Variants in SOBP observed in about 807,000 individuals in gnomAD.
SOBP encodes sine oculis-binding protein homolog.
Under a neutral mutation model 53.6 loss-of-function variants are expected in SOBP, and 4 were observed. The observed-to-expected ratio is 0.07, with a 90% CI of 0.04 to 0.17. The LOEUF (loss-of-function observed/expected upper bound fraction) is 0.17. SOBP is among the 10% of genes least tolerant of loss of function. The probability of loss-of-function intolerance (pLI) is 1.00; values close to 1 mark genes in which losing one functional copy is unlikely to be tolerated. For missense variants in SOBP, 1,088 were observed against 1,204.7 expected (o/e 0.90, Z 1.43); for synonymous variants, 584 against 522.6 (o/e 1.12, Z -1.60).
At chr6:107,558,519 C>T (rs1040011014) in intron 4 of SOBP, among the ~76,000 whole-genome samples, 7 of 152,006 alleles carry the variant, frequency 4.6e-5, no homozygotes, top group South Asian at 4.2e-4. Context: ...CCGCCCGCCT[C>T]GGCCTCCCAA....
At chr6:107,629,045 T>C (rs1213150870) in intron 5 of SOBP, among the ~76,000 whole-genome samples, 3 of 152,186 alleles carry the variant, frequency 2.0e-5, no homozygotes, top group Non-Finnish European at 4.4e-5. Context: ...AGTGCCACAG[T>C]CAACATGCCA....
intron 5 of SOBP, among the ~76,000 whole-genome samples, chr6:107,589,228 C>T (rs1336434650): frequency 6.6e-6 from 1 of 152,172 alleles, no homozygotes; most frequent in East Asian, 1.9e-4. Flanking sequence ...GTTTAGAAAG[C>T]ATGGGAGCTC....
At chr6:107,605,768 A>G (rs1028446124) in intron 5 of SOBP, among the ~76,000 whole-genome samples, 2 of 152,170 alleles carry the variant, frequency 1.3e-5, no homozygotes, top group Non-Finnish European at 2.9e-5. Flanking sequence ...CTCACTGCTC[A>G]AAATGTGGCC....
At chr6:107,646,338 C>G (rs1331266135) in intron 6 of SOBP, among the ~76,000 whole-genome samples, 3 of 152,200 alleles carry the variant, frequency 2.0e-5, no homozygotes, top group African/African-American at 7.2e-5. Context: ...ATCAACAGAC[C>G]ATTCCAGGAT....
At chr6:107,579,562 T>G (rs1442440026) in intron 4 of SOBP, among the ~76,000 whole-genome samples, 1 of 152,174 alleles carries the variant, frequency 6.6e-6, no homozygotes, top group Non-Finnish European at 1.5e-5. Flanking sequence ...TTCAGGCTGA[T>G]GTGGAATCTG....
chr6:107,491,159 C>T (rs1024609592), intron 1 of SOBP, among the ~76,000 whole-genome samples: 3 of 152,194 alleles, frequency 2.0e-5, no homozygotes, highest in African/African-American at 7.2e-5. Context: ...CACCCTCCTG[C>T]TCCTCAATCC....
In SOBP at chr6:107,635,117, T is replaced by C. The variant is rs1770968869; in HGVS notation, c.2273T>C (p.Leu758Pro). The C allele has an allele frequency of 6.2e-7, 1 of 1,611,244 alleles. No individual in the cohort carries two copies. The highest frequency in any genetic ancestry group is 1.3e-5 in the African/African-American group (1 of 74,714). The stretch of plus-strand genomic sequence containing the variant: ...CCGCCCGCGCCCCCCAAGAAGCTGC[T>C]GTCGCCTGAGGAACCGGCGGTGAGC... ...PPPPAPPKKL[L>P]SPEEPAVSEL... is the part of the protein sequence containing the mutation. Residue 758 changes from leucine (L) to proline (P), a missense_variant, in exon 6 of 7, where the codon CTG (leucine) becomes CCG (proline). By Grantham distance (98) the Leu-to-Pro change is moderately conservative. Coordinates refer to ENST00000317357, the MANE Select transcript of SOBP (RefSeq NM_018013.4). This position sits in a 1 kb window ranked among gnomAD's most constrained non-coding sequence, Gnocchi z 4.5.
At chr6:107,648,734 A>G (rs1193180183) in intron 6 of SOBP, among the ~76,000 whole-genome samples, 1 of 151,886 alleles carries the variant, frequency 6.6e-6, no homozygotes, top group African/African-American at 2.4e-5. Flanking sequence ...GGGGTTCTAG[A>G]AGCTGGACTT....
intron 4 of SOBP, among the ~76,000 whole-genome samples, chr6:107,566,465 A>G (rs1018196259): frequency 6.6e-6 from 1 of 152,218 alleles, no homozygotes; most frequent in Non-Finnish European, 1.5e-5. Flanking sequence ...AGAAGATGTT[A>G]CTGTGTATTT....
At chr6:107,622,937 TC>T (rs200199416) in intron 5 of SOBP, among the ~76,000 whole-genome samples, 1 of 152,220 alleles carries the variant, frequency 6.6e-6, no homozygotes, top group African/African-American at 2.4e-5. Flanking sequence ...AGTTAATAAT[TC>T]CCCCCCATGC....
At chr6:107,524,073 A>G (rs773100286) in intron 3 of SOBP, among the ~76,000 whole-genome samples, 3 of 152,266 alleles carry the variant, frequency 2.0e-5, no homozygotes, top group Non-Finnish European at 4.4e-5. Flanking sequence ...GAGCCCTTTC[A>G]TTAAAGAGCA....
intron 5 of SOBP, among the ~76,000 whole-genome samples, chr6:107,593,766 A>G (rs914518699): frequency 2.0e-5 from 3 of 152,252 alleles, no homozygotes; most frequent in Non-Finnish European, 4.4e-5. Flanking sequence ...AGAAGGATGC[A>G]TTAGTTTAAA....
chr6:107,623,103 A>T (rs1770264143), intron 5 of SOBP, among the ~76,000 whole-genome samples: 1 of 152,162 alleles, frequency 6.6e-6, no homozygotes, highest in Non-Finnish European at 1.5e-5. Flanking sequence ...AGAATGCTGG[A>T]TATGATCAGC....
At chr6:107,573,436 G>A (rs564118761) in intron 4 of SOBP, among the ~76,000 whole-genome samples, 47 of 152,144 alleles carry the variant, frequency 3.1e-4, no homozygotes, top group African/African-American at 1.1e-3. Flanking sequence ...TCTGTGCCAG[G>A]CATTGTGTGG....
At chr6:107,516,477 CAAA>C (rs577976911) in intron 3 of SOBP, among the ~76,000 whole-genome samples, 2 of 116,074 alleles carry the variant, frequency 1.7e-5, no homozygotes, top group Non-Finnish European at 1.8e-5. Context: ...GACTCTGTCT[CAAA>C]AAAAAAAAAA....
intron 5 of SOBP, among the ~76,000 whole-genome samples, chr6:107,610,796 G>GCACA (rs150127640): frequency 0.01 from 1,537 of 149,030 alleles, 28 homozygotes; most frequent in African/African-American, 0.035. Context: ...GTGTGCACAC[G>GCACA]CACACACACA....
chr6:107,550,655 C>T (rs1347090821), intron 4 of SOBP, among the ~76,000 whole-genome samples: 1 of 152,004 alleles, frequency 6.6e-6, no homozygotes, highest in Non-Finnish European at 1.5e-5. Flanking sequence ...AGGCCAGGCT[C>T]TATGCATGAG....
chr6:107,533,538 A>C lies in SOBP; in HGVS notation c.501A>C (p.Gly167=). The C allele has an allele frequency of 6.2e-7, 1 of 1,614,130 alleles. No individual in the cohort carries two copies. Among genetic ancestry groups the C allele is most frequent in the South Asian group, 1.1e-5 (1 of 91,084 alleles). The part of the protein sequence containing the change: ...VGIKRYSLSM[G]SEVKSFCSEK... ...TCAAGCGCTATTCCCTGAGTATGGG[A>C]AGTGAGGTGAAAAGCTTCTGCAGCG... The change falls in exon 4 of 7, where the codon GGA becomes GGC. Residue 167 remains glycine (G), a synonymous_variant. Coordinates refer to ENST00000317357, the MANE Select transcript of SOBP (RefSeq NM_018013.4).
intron 6 of SOBP, among the ~76,000 whole-genome samples, chr6:107,646,706 GTCC>G (rs1405910893): frequency 6.6e-6 from 1 of 152,208 alleles, no homozygotes; most frequent in African/African-American, 2.4e-5. Context: ...TTTTGGATAT[GTCC>G]TCTTCTCTTT....
Sources: gnomAD v4.1 joint callset for allele counts (sites outside exome capture counted in the v4.1 genomes callset) on GRCh38, gnomAD v4.1.1 for gene constraint, Gnocchi (gnomAD v3.1) non-coding constraint, MANE v1.5 for transcripts, NCBI Gene and HGNC (gene_info 2026-07-23, HGNC 2026-07-21) for gene names.